ICA1: variants seen among roughly 807,000 people sequenced by gnomAD.
ICA1 encodes the protein islet cell autoantigen 1, also known as 69 kDa islet cell autoantigen.
A neutral mutation model predicts 71.0 loss-of-function variants in ICA1; 40 were observed. The ratio of observed to expected loss-of-function variants is 0.56; its 90% CI spans 0.44 to 0.73. ICA1 has a LOEUF of 0.73. Ranked by LOEUF, ICA1 falls within the 30% of genes least tolerant of loss-of-function variation. The pLI, the probability that ICA1 is intolerant of heterozygous loss-of-function variation, is 0.00. For missense variants in ICA1, 578 were observed against 576.5 expected (o/e 1.00, Z -0.03); for synonymous variants, 207 against 209.5 (o/e 0.99, Z 0.10).
At chr7:8,175,771 A>G (rs1236348111) in intron 6 of ICA1, among the ~76,000 whole-genome samples, 1 of 152,234 alleles carries the variant, frequency 6.6e-6, no homozygotes, top group East Asian at 1.9e-4. Flanking sequence ...CCAATGCCTC[A>G]TGGTCATTTT....
intron 6 of ICA1, among the ~76,000 whole-genome samples, chr7:8,186,472 G>A (rs578017986): frequency 1.3e-5 from 2 of 152,282 alleles, no homozygotes; most frequent in East Asian, 3.9e-4. Context: ...AGCTGCTGAA[G>A]GTCCTGAGCA....
chr7:8,173,819 T>A lies in ICA1; in HGVS notation c.580-15167A>T, dbSNP rs189605154. Among the ~76,000 whole-genome samples the A allele has an allele frequency of 7.6e-3, 1,156 of 152,182 alleles. 14 individuals carry two copies. The highest frequency in any genetic ancestry group is 0.027 in the African/African-American group (1,104 of 41,532). ...CCTCTCTTCCTCCTCCCAAGCAATA[T>A]AATTGAACACCTATAGCTCTCGGTG... is the stretch of plus-strand genomic sequence containing the variant. On this transcript the variant is annotated intron_variant, in intron 6 of 13. Transcript: ENST00000402384. The surrounding 1 kb of genome is among the most constrained non-coding windows in gnomAD (Gnocchi z 4.0).
At chr7:8,215,709 C>A (rs542998943) in intron 6 of ICA1, among the ~76,000 whole-genome samples, 1 of 152,316 alleles carries the variant, frequency 6.6e-6, no homozygotes, top group South Asian at 2.1e-4. Context: ...AGAATTTTGT[C>A]TCCACCAGAA....
intron 1 of ICA1, among the ~76,000 whole-genome samples, chr7:8,251,092 T>C (rs1808017667): frequency 6.6e-6 from 1 of 151,900 alleles, no homozygotes; most frequent in South Asian, 2.1e-4. Context: ...GTAAAATGCC[T>C]CCCAATGCTA....
chr7:8,140,206 G>A (rs999592056), intron 10 of ICA1, among the ~76,000 whole-genome samples: 33 of 152,244 alleles, frequency 2.2e-4, no homozygotes, highest in African/African-American at 7.9e-4. Flanking sequence ...CAACATTAGT[G>A]ATTCGTGCCG....
chr7:8,210,994 T>C (rs1256792932), intron 6 of ICA1, among the ~76,000 whole-genome samples: 3 of 152,184 alleles, frequency 2.0e-5, no homozygotes, highest in South Asian at 2.1e-4. Flanking sequence ...GGAAGTCACC[T>C]GCACTTTGGG....
At chr7:8,163,115 G>A (rs1048535056) in intron 6 of ICA1, among the ~76,000 whole-genome samples, 3 of 152,130 alleles carry the variant, frequency 2.0e-5, no homozygotes, top group African/African-American at 4.8e-5. Flanking sequence ...TCTTCCTCAG[G>A]CCACAGCAAT....
At chr7:8,167,947 T>C (rs1328926913) in intron 6 of ICA1, among the ~76,000 whole-genome samples, 1 of 152,096 alleles carries the variant, frequency 6.6e-6, no homozygotes, top group African/African-American at 2.4e-5. Context: ...TTAAATTTCT[T>C]GTGGTGTAAG....
At chr7:8,237,853 C>CACACACACA in intron 1 of ICA1, among the ~76,000 whole-genome samples, 3 of 150,910 alleles carry the variant, frequency 2.0e-5, no homozygotes, top group Admixed American at 1.3e-4. Context: ...CACACACACA[C>CACACACACA]CATTTTCTTT....
chr7:8,148,817 T>TA lies in ICA1; in HGVS notation c.805-4846dup, dbSNP rs199595184. Among the ~76,000 whole-genome samples the TA allele has an allele frequency of 8.7e-3, 1,320 of 152,274 alleles. 33 individuals are homozygous for TA. Among genetic ancestry groups the TA allele is most frequent in the African/African-American group, 0.031 (1,270 of 41,550 alleles). Reference sequence around the variant, plus strand: ...TACAAAAGATGGTATACATTGAAGATATAAAGGGGCTAAGGGGAACATTAA... The same window carrying TA: ...TACAAAAGATGGTATACATTGAAGATAATAAAGGGGCTAAGGGGAACATTAA... On this transcript the variant is annotated intron_variant, in intron 8 of 13. Transcript: ENST00000402384.
At chr7:8,251,207 T>C (rs923814690) in intron 1 of ICA1, among the ~76,000 whole-genome samples, 2 of 152,116 alleles carry the variant, frequency 1.3e-5, no homozygotes, top group African/African-American at 4.8e-5. Context: ...TAAATGATTG[T>C]TTTATTTACA....
At chr7:8,140,429 T>G (rs563106691) in intron 10 of ICA1, among the ~76,000 whole-genome samples, 3 of 152,252 alleles carry the variant, frequency 2.0e-5, no homozygotes, top group Non-Finnish European at 4.4e-5. Flanking sequence ...GCCATAGCAC[T>G]TGGCTTAGCC....
At chr7:8,240,567 G>A (rs535528579) in intron 1 of ICA1, among the ~76,000 whole-genome samples, 22 of 152,296 alleles carry the variant, frequency 1.4e-4, no homozygotes, top group Admixed American at 1.1e-3. Flanking sequence ...TGACTTTGAC[G>A]AGCTGACAGA....
At chr7:8,258,988 G>A (rs1385986419) in intron 1 of ICA1, among the ~76,000 whole-genome samples, 1 of 152,218 alleles carries the variant, frequency 6.6e-6, no homozygotes, top group African/African-American at 2.4e-5. Flanking sequence ...GAAGAGGACA[G>A]AGGCTCATTT....
chr7:8,257,359 C>T (rs1190189811), intron 1 of ICA1, among the ~76,000 whole-genome samples: 1 of 152,192 alleles, frequency 6.6e-6, no homozygotes, highest in East Asian at 1.9e-4. Context: ...GATGTCTATG[C>T]CCTGTTCTGG....
chr7:8,159,643 T>C (rs1802988406), intron 6 of ICA1, among the ~76,000 whole-genome samples: 3 of 152,046 alleles, frequency 2.0e-5, no homozygotes, highest in Admixed American at 1.3e-4. Flanking sequence ...GAGGTTGCAG[T>C]GAGCCAAGAT....
intron 1 of ICA1, among the ~76,000 whole-genome samples, chr7:8,249,045 T>C (rs961825046): frequency 6.6e-6 from 1 of 152,208 alleles, no homozygotes. Flanking sequence ...TTCAGTAAAA[T>C]TATAAATCAC....
chr7:8,219,481 C>T (rs1356819033), intron 5 of ICA1, among the ~76,000 whole-genome samples: 1 of 152,262 alleles, frequency 6.6e-6, no homozygotes, highest in Admixed American at 6.5e-5. Flanking sequence ...GGTAAGATTA[C>T]AAATGGTGCA....
intron 12 of ICA1, among the ~76,000 whole-genome samples, chr7:8,136,526 C>T (rs961606790): frequency 5.3e-5 from 8 of 152,208 alleles, no homozygotes; most frequent in African/African-American, 9.6e-5. Flanking sequence ...TTTATTCTAC[C>T]GACCACGTTA....
Sources: allele counts gnomAD v4.1 joint callset (sites outside exome capture counted in the v4.1 genomes callset), GRCh38; gene constraint gnomAD v4.1.1; non-coding constraint Gnocchi (gnomAD v3.1); transcripts MANE v1.5; gene names NCBI Gene and HGNC (gene_info 2026-07-23, HGNC 2026-07-21).